ZBTB20: variants seen among roughly 807,000 people sequenced by gnomAD.
ZBTB20 encodes zinc finger and BTB domain-containing protein 20.
ZBTB20 carries 9 observed loss-of-function variants against 56.9 expected under a neutral mutation model. That is an observed-to-expected ratio of 0.16 (90% CI 0.10 to 0.28). ZBTB20 has a LOEUF of 0.28. Among genes scored for constraint, ZBTB20 ranks in the 10% least tolerant of loss-of-function variants. The probability of loss-of-function intolerance (pLI) is 1.00; values close to 1 mark genes in which losing one functional copy is unlikely to be tolerated. For synonymous variants in ZBTB20, 417 were observed against 420.7 expected, an observed-to-expected ratio of 0.99 and a Z score of 0.11; for missense variants, 655 against 1,003.0, an observed-to-expected ratio of 0.65 and a Z score of 4.69.
At chr3:114,403,643 T>C (rs913745324) in intron 7 of ZBTB20, among the ~76,000 whole-genome samples, 12 of 152,000 alleles carry the variant, frequency 7.9e-5, no homozygotes, top group African/African-American at 2.7e-4. Flanking sequence ...ACACTCAGGA[T>C]ATGTCTGAGA....
intron 6 of ZBTB20, chr3:114,624,143 T>C (rs2058504438): frequency 6.6e-6 from 1 of 151,892 alleles, no homozygotes. Context: ...ATCCAAGGAG[T>C]GACGACTGAG....
At chr3:114,593,252 A>G (rs2055962687) in intron 6 of ZBTB20, among the ~76,000 whole-genome samples, 1 of 152,184 alleles carries the variant, frequency 6.6e-6, no homozygotes, top group African/African-American at 2.4e-5. Flanking sequence ...TTTTGAGATG[A>G]AAGTTGGCAA....
intron 1 of ZBTB20, among the ~76,000 whole-genome samples, chr3:115,136,965 C>T (rs188937582): frequency 6.0e-4 from 92 of 152,082 alleles, no homozygotes; most frequent in Non-Finnish European, 1.5e-4. Context: ...CACAGGCTAT[C>T]AAAATTACAA....
chr3:114,557,507 A>G (rs958707194), intron 6 of ZBTB20, among the ~76,000 whole-genome samples: 5 of 151,940 alleles, frequency 3.3e-5, no homozygotes, highest in African/African-American at 1.2e-4. Context: ...CTATTCTATG[A>G]TACTATGTTA....
At chr3:114,714,543 A>T (rs1433964709) in intron 5 of ZBTB20, among the ~76,000 whole-genome samples, 3 of 116,438 alleles carry the variant, frequency 2.6e-5, no homozygotes, top group Admixed American at 1.9e-4. Flanking sequence ...CATTTCAGGA[A>T]AAAAAAAAAA....
intron 3 of ZBTB20, among the ~76,000 whole-genome samples, chr3:114,955,888 G>C (rs2077230526): frequency 6.6e-6 from 1 of 152,040 alleles, no homozygotes; most frequent in South Asian, 2.1e-4. Context: ...TAACCAGGAG[G>C]TTTTAGTGAA....
chr3:114,321,779 G>A lies in ZBTB20; in HGVS notation c.*17226C>T, dbSNP rs939642909. ...GTCAGTTGCTCCAGTTTAAAGGAGA[G>A]TTTAGAATCTAGTGCAAATATCATC... is the stretch of plus-strand genomic sequence containing the variant. On this transcript the variant is annotated 3_prime_UTR_variant, in exon 12 of 12. Transcript: ENST00000675478. 2 of 152,224 alleles carry A rather than the reference G, an allele frequency of 1.3e-5. No homozygotes were observed. The highest frequency in any genetic ancestry group is 2.9e-5 in the Non-Finnish European group (2 of 68,050). The allele number at this position is 152,224 out of a possible 1,614,324, so 9.4% of individuals were successfully genotyped here. A position where few individuals can be genotyped will look rare whatever the true frequency, so the allele number is the denominator to read the frequency against.
At chr3:114,528,049 A>C (rs959166187) in intron 6 of ZBTB20, among the ~76,000 whole-genome samples, 3 of 150,900 alleles carry the variant, frequency 2.0e-5, no homozygotes, top group African/African-American at 7.3e-5. Context: ...CACTACATGG[A>C]CAATGCCTAC....
chr3:114,770,911 C>T (rs767310020), intron 5 of ZBTB20, among the ~76,000 whole-genome samples: 3 of 152,160 alleles, frequency 2.0e-5, no homozygotes, highest in Non-Finnish European at 4.4e-5. Flanking sequence ...TTCCTTTGCT[C>T]ATCATGTCCA....
At chr3:115,008,977 C>A (rs1013157062) in intron 2 of ZBTB20, among the ~76,000 whole-genome samples, 5 of 151,784 alleles carry the variant, frequency 3.3e-5, no homozygotes, top group Non-Finnish European at 7.4e-5. Context: ...AAAACCTTGT[C>A]AATCTGATAA....
At chr3:114,498,513 A>G (rs1209475460) in intron 7 of ZBTB20, among the ~76,000 whole-genome samples, 2 of 152,080 alleles carry the variant, frequency 1.3e-5, no homozygotes, top group African/African-American at 4.8e-5. Flanking sequence ...TCAACCATCA[A>G]CTGTGTCTAT....
intron 4 of ZBTB20, among the ~76,000 whole-genome samples, chr3:114,848,350 GT>G (rs2074821251): frequency 1.3e-5 from 2 of 152,160 alleles, no homozygotes; most frequent in Non-Finnish European, 2.9e-5. Context: ...TTATTTAACA[GT>G]TGGTACTGCT....
At chr3:114,668,963 C>T (rs2108146584) in intron 6 of ZBTB20, among the ~76,000 whole-genome samples, 1 of 152,054 alleles carries the variant, frequency 6.6e-6, no homozygotes, top group Non-Finnish European at 1.5e-5. Flanking sequence ...CCATTATAAA[C>T]AACAAAAACA....
chr3:114,765,059 A>T (rs549413272), intron 5 of ZBTB20, among the ~76,000 whole-genome samples: 30 of 152,336 alleles, frequency 2.0e-4, no homozygotes, highest in African/African-American at 7.0e-4. Flanking sequence ...GCTCTATCTC[A>T]GAATGAAGAG....
At chr3:114,943,350 AATC>A (rs2076781836) in intron 3 of ZBTB20, among the ~76,000 whole-genome samples, 1 of 145,764 alleles carries the variant, frequency 6.9e-6, no homozygotes, top group Non-Finnish European at 1.5e-5. Context: ...AATATGAAAA[AATC>A]ATCAAGCATG....
intron 6 of ZBTB20, among the ~76,000 whole-genome samples, chr3:114,596,498 G>A (rs2056327181): frequency 6.6e-6 from 1 of 152,170 alleles, no homozygotes; most frequent in Admixed American, 6.5e-5. Context: ...AGTGTTGCCA[G>A]TTGTGAAAGG....
intron 3 of ZBTB20, among the ~76,000 whole-genome samples, chr3:114,928,905 C>T (rs2107794429): frequency 6.6e-6 from 1 of 152,250 alleles, no homozygotes; most frequent in East Asian, 1.9e-4. Context: ...ATGCTCTTTC[C>T]AACTTGCTGG....
intron 6 of ZBTB20, among the ~76,000 whole-genome samples, chr3:114,664,457 A>G (rs2060931857): frequency 6.6e-6 from 1 of 152,162 alleles, no homozygotes; most frequent in Non-Finnish European, 1.5e-5. Flanking sequence ...ACCTGTCACT[A>G]TGCAGCCAGT....
intron 6 of ZBTB20, among the ~76,000 whole-genome samples, chr3:114,680,847 C>T (rs2061929316): frequency 6.6e-6 from 1 of 152,096 alleles, no homozygotes; most frequent in African/African-American, 2.4e-5. Flanking sequence ...AGAAATATAC[C>T]AGCTTACAAC....
Sources: gnomAD v4.1 joint callset for allele counts (sites outside exome capture counted in the v4.1 genomes callset) on GRCh38, gnomAD v4.1.1 for gene constraint, MANE v1.5 for transcripts, NCBI Gene and HGNC (gene_info 2026-07-23, HGNC 2026-07-21) for gene names.